NME8: variants seen among roughly 807,000 people sequenced by gnomAD.
NME8 encodes the protein protein NME8.
A neutral mutation model predicts 82.3 loss-of-function variants in NME8; 72 were observed. The ratio of observed to expected loss-of-function variants is 0.87; its 90% confidence interval spans 0.72 to 1.06. NME8 has a LOEUF of 1.06. NME8 is among the 50% of genes least tolerant of loss of function. The probability of loss-of-function intolerance (pLI) is 0.00; values close to 1 mark genes in which losing one functional copy is unlikely to be tolerated. For missense variants in NME8, 712 were observed against 685.4 expected (o/e 1.04, Z -0.43); for synonymous variants, 267 against 228.5 (o/e 1.17, Z -1.52).
chr7:37,869,287 A>C (rs1784735340), intron 11 of NME8, among the ~76,000 whole-genome samples: 1 of 152,144 alleles, frequency 6.6e-6, no homozygotes, highest in Non-Finnish European at 1.5e-5. Context: ...AGCTTTTTAA[A>C]CAGTAGCAGT....
rs148402129 is a variant in NME8 at position 37,896,577 on chromosome 7, A to C, written c.1545-293A>C. Reference sequence around the variant, plus strand: ...CGGTTAGAGGCTGCTGGACAACCATAAAGCAACAAGTCTTGAATCCATGAC... The same window carrying C: ...CGGTTAGAGGCTGCTGGACAACCATCAAGCAACAAGTCTTGAATCCATGAC... On this transcript the variant is annotated intron_variant, in intron 16 of 17. Transcript: ENST00000199447. Among the ~76,000 whole-genome samples the C allele has an allele frequency of 3.9e-3, 594 of 152,364 alleles. 4 individuals are homozygous for C. The highest frequency in any genetic ancestry group is 0.01 in the Middle Eastern group (3 of 294).
chr7:37,898,547 T>C (rs1785266305), intron 17 of NME8, among the ~76,000 whole-genome samples: 2 of 152,186 alleles, frequency 1.3e-5, no homozygotes, highest in Non-Finnish European at 2.9e-5. Context: ...TTCAAAGGAA[T>C]AAAGTATTGA....
chr7:37,868,803 T>C (rs1446634126), intron 11 of NME8, among the ~76,000 whole-genome samples: 2 of 152,244 alleles, frequency 1.3e-5, no homozygotes, highest in South Asian at 4.1e-4. Context: ...GGTTTGTGGT[T>C]ACAAATTACT....
At chr7:37,856,151 C>T (rs1175702758) in intron 5 of NME8, among the ~76,000 whole-genome samples, 1 of 152,128 alleles carries the variant, frequency 6.6e-6, no homozygotes, top group Admixed American at 6.6e-5. Flanking sequence ...TGGTATTGCA[C>T]TGAACACAAT....
chr7:37,878,997 A>G (rs1232683345), intron 12 of NME8, among the ~76,000 whole-genome samples: 1 of 151,984 alleles, frequency 6.6e-6, no homozygotes, highest in Non-Finnish European at 1.5e-5. Flanking sequence ...TTGCCACCCT[A>G]ACAATCCCCT....
intron 15 of NME8, among the ~76,000 whole-genome samples, chr7:37,891,554 G>A (rs1020951897): frequency 6.6e-6 from 1 of 151,852 alleles, no homozygotes; most frequent in Middle Eastern, 3.4e-3. Context: ...GTTCTTCTCT[G>A]TGTGGTCTTT....
chr7:37,894,910 C>G (rs1785197999), intron 16 of NME8, among the ~76,000 whole-genome samples: 1 of 147,662 alleles, frequency 6.8e-6, no homozygotes, highest in Non-Finnish European at 1.5e-5. Context: ...CTTTCCTTTC[C>G]TTCCTTCCTT....
At chr7:37,898,290 C>T (rs994337976) in intron 17 of NME8, among the ~76,000 whole-genome samples, 1 of 152,172 alleles carries the variant, frequency 6.6e-6, no homozygotes, top group Non-Finnish European at 1.5e-5. Context: ...TAAAATGGTG[C>T]ATCTTCTGGA....
chr7:37,877,122 C>T (rs1784867903), intron 12 of NME8, 115 bp downstream of exon 12: 3 of 828,636 alleles, frequency 3.6e-6, no homozygotes. Flanking sequence ...AGAAAACGCA[C>T]CTTAAGAAAT....
chr7:37,860,851 TATG>T lies in NME8; in HGVS notation c.271-1174_271-1172del, dbSNP rs1255673013. 2.6e-5 allele frequency among the ~76,000 whole-genome samples: 4 copies of T among 152,358 alleles called. No individual in the cohort carries two copies. In the South Asian group the frequency reaches 8.3e-4, roughly 32 times the overall value. On this transcript the variant is annotated intron_variant, in intron 6 of 17. Coordinates refer to ENST00000199447, the MANE Select transcript of NME8 (RefSeq NM_016616.5). ...TATTGTCTCTGAATTTGGCATATAA[TATG>T]ATAACTTATAATTTATCCAGTTTTC... is the stretch of plus-strand genomic sequence containing the variant.
In NME8 at chr7:37,882,631, G is replaced by GAA. The variant is rs879890228; in HGVS notation, c.995-1670_995-1669dup. Among the ~76,000 whole-genome samples, 29 of 129,002 alleles carry GAA rather than the reference G, an allele frequency of 2.2e-4. 1 individual carries two copies. In the East Asian group the frequency reaches 5.1e-3, roughly 23 times the overall value. 84.6% of individuals were successfully genotyped at this position (129,002 alleles called of 152,430 possible). On this transcript the variant is annotated intron_variant, in intron 12 of 17. Transcript: ENST00000199447. ...AGAGAGAGAGAAAGAAAGAAAGAAA[G>GAA]AAAGAAAGAAAGAGAAAGAAAGAAA... is the stretch of plus-strand genomic sequence containing the variant.
intron 11 of NME8, among the ~76,000 whole-genome samples, chr7:37,876,309 C>T (rs1784852297): frequency 6.6e-6 from 1 of 151,630 alleles, no homozygotes; most frequent in Non-Finnish European, 1.5e-5. Flanking sequence ...CAACCTTACA[C>T]ATTACAAATA....
intron 12 of NME8, among the ~76,000 whole-genome samples, chr7:37,881,718 C>T (rs1018655933): frequency 1.3e-5 from 2 of 152,090 alleles, no homozygotes; most frequent in Admixed American, 6.5e-5. Flanking sequence ...TAAATTGTTT[C>T]CAGAGAATTG....
intron 12 of NME8, among the ~76,000 whole-genome samples, chr7:37,882,555 GAAAGAA>G (rs1447626398): frequency 2.2e-4 from 4 of 18,144 alleles, no homozygotes; most frequent in Admixed American, 1.1e-3. Context: ...GGGAAAGAAA[GAAAGAA>G]AGAAAGAAAG....
intron 10 of NME8, 45 bp from the exon 11 acceptor site, chr7:37,867,657 C>T (rs1157832616): frequency 6.8e-7 from 1 of 1,474,894 alleles, no homozygotes; most frequent in African/African-American, 1.4e-5. Context: ...TTAGTCCATC[C>T]ATTTCAGGAG....
Position 37,884,374 on chromosome 7 carries a change from AAAG to A in NME8, c.1070_1072del (p.Glu357del), listed in dbSNP as rs750442092. On this transcript the variant is annotated inframe_deletion, in exon 13 of 18. Transcript: ENST00000199447. ...GCAAAGACAAGTAGTATTATCGGAA[AAAG>A]AAGCACAAGCACTGTGCAAGGAATA... The A allele has an allele frequency of 6.2e-7, 1 of 1,607,042 alleles. No homozygotes were observed. The highest frequency in any genetic ancestry group is 2.2e-5 in the East Asian group (1 of 44,796).
At chr7:37,856,641 A>C (rs773499202) in intron 5 of NME8, among the ~76,000 whole-genome samples, 1 of 152,200 alleles carries the variant, frequency 6.6e-6, no homozygotes. Flanking sequence ...ATTAATTTGG[A>C]ACAACTTGAA....
intron 14 of NME8, among the ~76,000 whole-genome samples, chr7:37,887,419 G>A (rs1254903180): frequency 6.6e-6 from 1 of 152,090 alleles, no homozygotes; most frequent in African/African-American, 2.4e-5. Context: ...ATTATCACAT[G>A]GTGAAAGCCA....
intron 15 of NME8, among the ~76,000 whole-genome samples, chr7:37,893,597 T>C (rs1785168981): frequency 6.6e-6 from 1 of 152,148 alleles, no homozygotes; most frequent in South Asian, 2.1e-4. Flanking sequence ...ACCTTATTTT[T>C]ACCATGCTTA....
Sources: gnomAD v4.1 joint callset for allele counts (sites outside exome capture counted in the v4.1 genomes callset) on GRCh38, gnomAD v4.1.1 for gene constraint, MANE v1.5 for transcripts, NCBI Gene and HGNC (gene_info 2026-07-23, HGNC 2026-07-21) for gene names.